Variants in ANKS1B observed in about 807,000 individuals in gnomAD.
The protein encoded by ANKS1B is ankyrin repeat and sterile alpha motif domain containing 1B, also known as ankyrin repeat and sterile alpha motif domain-containing protein 1B.
Under a neutral mutation model 148.3 loss-of-function variants are expected in ANKS1B, and 36 were observed. The observed-to-expected ratio is 0.24, with a 90% CI of 0.19 to 0.32. ANKS1B has a LOEUF of 0.32. Among genes scored for constraint, ANKS1B ranks in the 10% least tolerant of loss-of-function variants. ANKS1B has a pLI of 1.00. For missense variants in ANKS1B, 1,157 were observed against 1,542.6 expected (o/e 0.75, Z 4.19); for synonymous variants, 542 against 560.8 (o/e 0.97, Z 0.47).
chr12:99,427,300 C>T (rs1042331132), intron 11 of ANKS1B, among the ~76,000 whole-genome samples: 4 of 152,214 alleles, frequency 2.6e-5, no homozygotes, highest in African/African-American at 9.6e-5. Flanking sequence ...TCTCTGGTTT[C>T]ATCTCACAGC....
chr12:99,807,553 C>T (rs1335613201), intron 3 of ANKS1B, among the ~76,000 whole-genome samples: 5 of 151,996 alleles, frequency 3.3e-5, no homozygotes, highest in African/African-American at 4.8e-5. Context: ...ATGCAATAAC[C>T]GTAAATGAGG....
At chr12:99,777,794 C>T (rs561944614) in intron 6 of ANKS1B, among the ~76,000 whole-genome samples, 8 of 151,746 alleles carry the variant, frequency 5.3e-5, no homozygotes, top group African/African-American at 1.4e-4. Context: ...CCGTGTTAGC[C>T]GGGATGGTCT....
At chr12:99,087,044 T>C (rs1337583965) in intron 15 of ANKS1B, among the ~76,000 whole-genome samples, 1 of 152,142 alleles carries the variant, frequency 6.6e-6, no homozygotes, top group Non-Finnish European at 1.5e-5. Context: ...ATCAGGAAGT[T>C]TGACGTGGAG....
intron 16 of ANKS1B, among the ~76,000 whole-genome samples, chr12:99,062,844 C>G (rs1274313403): frequency 2.0e-5 from 3 of 152,136 alleles, no homozygotes; most frequent in Non-Finnish European, 2.9e-5. Context: ...TTGCCTTTTG[C>G]TTTGACACTT....
intron 17 of ANKS1B, among the ~76,000 whole-genome samples, chr12:99,032,193 T>C (rs1302393712): frequency 1.3e-5 from 2 of 152,190 alleles, no homozygotes; most frequent in Non-Finnish European, 2.9e-5. Flanking sequence ...TGAGGTTCCT[T>C]TAACAAATAC....
chr12:99,496,902 G>A (rs904025470), intron 10 of ANKS1B, among the ~76,000 whole-genome samples: 3 of 152,140 alleles, frequency 2.0e-5, no homozygotes, highest in African/African-American at 7.2e-5. Context: ...CCTGAGAAAT[G>A]AAAGCCAGGC....
chr12:98,950,915 GCTCT>G (rs1464164797), intron 17 of ANKS1B, among the ~76,000 whole-genome samples: 1 of 152,126 alleles, frequency 6.6e-6, no homozygotes, highest in African/African-American at 2.4e-5. Flanking sequence ...ACTGTGTCAG[GCTCT>G]CTGTGTGTTC....
chr12:98,957,536 C>T (rs1419589538), intron 17 of ANKS1B, among the ~76,000 whole-genome samples: 4 of 151,652 alleles, frequency 2.6e-5, no homozygotes, highest in South Asian at 2.1e-4. Flanking sequence ...TTAGTAGAGA[C>T]GGGTTTTCAC....
chr12:99,054,575 A>T (rs1355409977), intron 16 of ANKS1B, among the ~76,000 whole-genome samples: 2 of 151,968 alleles, frequency 1.3e-5, no homozygotes, highest in African/African-American at 4.8e-5. Flanking sequence ...GTCTTGCTCT[A>T]TTGCCCAGGC....
chr12:98,906,721 T>C (rs1305670594), intron 17 of ANKS1B, among the ~76,000 whole-genome samples: 1 of 152,210 alleles, frequency 6.6e-6, no homozygotes, highest in Non-Finnish European at 1.5e-5. Flanking sequence ...ATTAATTAAA[T>C]ACCTAGTAGA....
intron 17 of ANKS1B, among the ~76,000 whole-genome samples, chr12:98,979,533 A>C (rs1237523874): frequency 1.3e-5 from 2 of 152,094 alleles, no homozygotes; most frequent in East Asian, 3.9e-4. Flanking sequence ...GGCCTCCCAA[A>C]GTGCTGGGAT....
chr12:98,865,797 A>G (rs2099621320), intron 17 of ANKS1B, among the ~76,000 whole-genome samples: 1 of 152,180 alleles, frequency 6.6e-6, no homozygotes, highest in Admixed American at 6.5e-5. Context: ...AATAGCTGGT[A>G]TAGAGGGCCT....
At chr12:99,681,460 A>C (rs2153484007) in intron 8 of ANKS1B, among the ~76,000 whole-genome samples, 1 of 152,332 alleles carries the variant, frequency 6.6e-6, no homozygotes, top group East Asian at 1.9e-4. Flanking sequence ...CCTCCACTGG[A>C]GTAGCTGCTG....
intron 22 of ANKS1B, among the ~76,000 whole-genome samples, chr12:98,782,380 C>T (rs2098746063): frequency 2.6e-5 from 4 of 152,158 alleles, no homozygotes; most frequent in South Asian, 2.1e-4. Context: ...TTTACTGCAC[C>T]GCACAGTCTT....
chr12:99,648,329 A>C (rs746189188), intron 9 of ANKS1B: 1 of 1,614,070 alleles, frequency 6.2e-7, no homozygotes, highest in Non-Finnish European at 8.5e-7. Flanking sequence ...GACTTTATCC[A>C]GATCAGCAAA....
downstream of ANKS1B, among the ~76,000 whole-genome samples, chr12:98,742,975 T>TATC (rs1334847174): frequency 2.0e-5 from 3 of 152,238 alleles, no homozygotes; most frequent in East Asian, 3.8e-4. Flanking sequence ...TCGACTAGCC[T>TATC]ATCTAAAAAG....
chr12:99,231,614 CTTTT>C (rs1282731123), intron 14 of ANKS1B, among the ~76,000 whole-genome samples: 1 of 151,590 alleles, frequency 6.6e-6, no homozygotes, highest in African/African-American at 2.4e-5. Context: ...TTTTAGCATC[CTTTT>C]TTTTAGTTCT....
Position 99,762,003 on chromosome 12 carries a change from T to C in ANKS1B, c.1128+10919A>G, listed in dbSNP as rs568962241. On this transcript the variant is annotated intron_variant, in intron 8 of 26. Coordinates refer to ENST00000683438, the MANE Select transcript of ANKS1B (RefSeq NM_001352186.2). ...CAGCTAACCAGGGAGGTGAAAGATC[T>C]CTACAATGAGAACTACAAAACCCAC... 1.8e-4 allele frequency among the ~76,000 whole-genome samples: 28 copies of C among 152,050 alleles called. 1 individual carries two copies. The highest frequency in any genetic ancestry group is 6.7e-4 in the African/African-American group (28 of 41,508).
chr12:99,144,420 A>G (rs892826076), intron 15 of ANKS1B, among the ~76,000 whole-genome samples: 3 of 152,088 alleles, frequency 2.0e-5, no homozygotes, highest in South Asian at 2.1e-4. Context: ...GATTGAATTC[A>G]TCATTGATGA....
Sources: allele counts gnomAD v4.1 joint callset (sites outside exome capture counted in the v4.1 genomes callset), GRCh38; gene constraint gnomAD v4.1.1; transcripts MANE v1.5; gene names NCBI Gene and HGNC (gene_info 2026-07-23, HGNC 2026-07-21).